COLEC11: variants seen among roughly 807,000 people sequenced by gnomAD.
COLEC11 encodes the protein collectin subfamily member 11.
Under a neutral mutation model 27.3 loss-of-function variants are expected in COLEC11, and 20 were observed. The ratio of observed to expected loss-of-function variants is 0.73; its 90% CI spans 0.51 to 1.06. The LOEUF (loss-of-function observed/expected upper bound fraction) is 1.06, where lower values mean the gene tolerates loss of function less well. Among genes scored for constraint, COLEC11 ranks in the 50% least tolerant of loss-of-function variants. COLEC11 has a pLI of 0.00. For missense variants in COLEC11, 310 were observed against 383.0 expected (o/e 0.81, Z 1.59); for synonymous variants, 163 against 154.7 (o/e 1.05, Z -0.40).
rs115959424 is a variant in COLEC11, at chr2:3,636,170, C to T, written c.203-1363C>T. Among the ~76,000 whole-genome samples, 1,016 of 152,278 alleles carry T rather than the reference C, an allele frequency of 6.7e-3. 9 individuals carry two copies. The highest frequency in any genetic ancestry group is 0.023 in the African/African-American group (966 of 41,550). The stretch of plus-strand genomic sequence containing the variant: ...GCGTGCGATAGAAAGTCCTTCCCGC[C>T]ACCACCGCCGGGCGCAGTGGCTCAC... On this transcript the variant is annotated intron_variant, in intron 3 of 6. Coordinates refer to ENST00000349077, the MANE Select transcript of COLEC11 (RefSeq NM_024027.5).
chr2:3,643,406 C>T (rs1163174402), intron 5 of COLEC11, 38 bp from the exon 6 acceptor site: 3 of 1,530,786 alleles, frequency 2.0e-6, no homozygotes, highest in African/African-American at 1.4e-5. Context: ...TCCGAGTCCT[C>T]ATCCAGCGTT....
chr2:3,607,866 C>T (rs1222634522), intron 2 of COLEC11, among the ~76,000 whole-genome samples: 1 of 152,254 alleles, frequency 6.6e-6, no homozygotes, highest in East Asian at 1.9e-4. Context: ...ACCTGACGGC[C>T]TGTCTGTGCC....
At chr2:3,628,250 A>G (rs1664701568) in intron 3 of COLEC11, among the ~76,000 whole-genome samples, 1 of 152,184 alleles carries the variant, frequency 6.6e-6, no homozygotes, top group Non-Finnish European at 1.5e-5. Flanking sequence ...CCCCAGGTGA[A>G]GCGGCTGCCC....
Position 3,643,947 on chromosome 2 carries a change from G to C in COLEC11, c.645G>C (p.Val215=). The C allele has an allele frequency of 6.2e-7, 1 of 1,614,176 alleles. No homozygotes were observed. Among genetic ancestry groups the C allele is most frequent in the South Asian group, 1.1e-5 (1 of 91,090 alleles). ...INDLEKEGAF[V]YSDHSPMRTF... Reference sequence around the variant, plus strand: ...ACCTGGAGAAGGAGGGCGCCTTCGTGTACTCTGACCACTCCCCCATGCGGA... The same window carrying C: ...ACCTGGAGAAGGAGGGCGCCTTCGTCTACTCTGACCACTCCCCCATGCGGA... Residue 215 remains valine (V), a synonymous_variant, in exon 7 of 7, where the codon GTG becomes GTC. Coordinates refer to ENST00000349077, the MANE Select transcript of COLEC11 (RefSeq NM_024027.5).
intron 3 of COLEC11, among the ~76,000 whole-genome samples, chr2:3,621,163 T>A (rs1450396650): frequency 6.6e-6 from 1 of 152,230 alleles, no homozygotes; most frequent in African/African-American, 2.4e-5. Flanking sequence ...CTGTTTGCCC[T>A]TCAGATCTGT....
Position 3,602,389 on chromosome 2 carries a change from G to GCTGGCTGCACTGTTCAC in COLEC11, c.-26-1917_-26-1901dup, listed in dbSNP as rs1227156929. 9.8e-5 allele frequency among the ~76,000 whole-genome samples: 15 copies of GCTGGCTGCACTGTTCAC among 152,294 alleles called. No individual in the cohort carries two copies. The highest frequency in any genetic ancestry group is 3.4e-4 in the African/African-American group (14 of 41,562). ...ACCTCCTCAGTTCTGTTTCTCAGCA[G>GCTGGCTGCACTGTTCAC]CTGGCTGCACTGTTCACCTGGCTGC... On this transcript the variant is annotated intron_variant, in intron 1 of 6. Transcript: ENST00000349077. The surrounding 1 kb of genome is among the most constrained non-coding windows in gnomAD (Gnocchi z 6.2).
In COLEC11 at chr2:3,602,807, G is replaced by A. The variant is rs576032142; in HGVS notation, c.-26-1508G>A. 8.5e-5 allele frequency among the ~76,000 whole-genome samples: 13 copies of A among 152,228 alleles called. No homozygotes were observed. Among genetic ancestry groups the A allele is most frequent in the East Asian group, 5.8e-4 (3 of 5,180 alleles). On this transcript the variant is annotated intron_variant, in intron 1 of 6. Transcript: ENST00000349077. The surrounding 1 kb of genome is among the most constrained non-coding windows in gnomAD (Gnocchi z 6.2). ...ACTGCCTCAAGGCTTTCTCTGAGCC[G>A]CCCTCACCCACCTGTCAGCGAGGCT...
At chr2:3,605,323 G>C (rs1397527801) in intron 2 of COLEC11, among the ~76,000 whole-genome samples, 2 of 119,068 alleles carry the variant, frequency 1.7e-5, no homozygotes, top group African/African-American at 6.3e-5. Flanking sequence ...GGAGTCACGT[G>C]GGTGCCGAGG....
At chr2:3,643,602 G>T (rs774066821) in intron 6 of COLEC11, 63 bp downstream of exon 6, 1 of 1,596,926 alleles carries the variant, frequency 6.3e-7, no homozygotes, top group African/African-American at 1.3e-5. Flanking sequence ...TGAGCCCCCC[G>T]GCAAGGGCTC....
At chr2:3,624,356 T>TG (rs1486410389) in intron 3 of COLEC11, among the ~76,000 whole-genome samples, 1 of 152,152 alleles carries the variant, frequency 6.6e-6, no homozygotes, top group South Asian at 2.1e-4. Flanking sequence ...ATCAGCTTGT[T>TG]GGGGGGCTTC....
At chr2:3,638,184 C>T (rs1419654680) in intron 4 of COLEC11, among the ~76,000 whole-genome samples, 2 of 152,210 alleles carry the variant, frequency 1.3e-5, no homozygotes, top group Admixed American at 1.3e-4. Flanking sequence ...TCAGCTGCGC[C>T]TCCCGTGATG....
rs113269917 is a variant in COLEC11 at position 3,604,363 on chromosome 2, T to A, written c.23T>A (p.Val8Glu). 6.2e-7 allele frequency: 1 copy of A among 1,614,138 alleles called. No homozygotes were observed. Reference protein sequence around the residue: MRGNLALVGVLISLAFLS... With the variant: MRGNLALEGVLISLAFLS... ...AGGATGAGGGGGAATCTGGCCCTGGTGGGCGTTCTAATCAGCCTGGCCTTC... is the reference window on the plus strand; with the variant it reads ...AGGATGAGGGGGAATCTGGCCCTGGAGGGCGTTCTAATCAGCCTGGCCTTC... The change falls in exon 2 of 7, where the codon GTG becomes GAG. Residue 8 changes from valine (V) to glutamate (E), a missense_variant. Val to Glu is a moderately radical substitution (Grantham distance 121). Coordinates refer to ENST00000349077, the MANE Select transcript of COLEC11 (RefSeq NM_024027.5).
chr2:3,609,246 C>T (rs559246813), intron 2 of COLEC11, among the ~76,000 whole-genome samples: 112 of 151,536 alleles, frequency 7.4e-4, no homozygotes, highest in African/African-American at 2.4e-3. Context: ...ATGATTCTTT[C>T]TCTCCTGCTT....
At chr2:3,604,544 C>A in intron 2 of COLEC11, 74 bp downstream of exon 2, 2 of 1,521,294 alleles carry the variant, frequency 1.3e-6, no homozygotes, top group Non-Finnish European at 1.8e-6. Context: ...TGCAACTGCG[C>A]AGTTCCACGG....
At chr2:3,609,353 T>TTTTTTTTTTTTTTTG (rs1663006038) in intron 2 of COLEC11, among the ~76,000 whole-genome samples, 1 of 78,760 alleles carries the variant, frequency 1.3e-5, no homozygotes, top group Non-Finnish European at 2.3e-5. Context: ...TTTTCTTTGA[T>TTTTTTTTTTTTTTTG]TTTTTTTTTT....
In COLEC11 at chr2:3,644,019, G is replaced by A. The variant is rs143185171; in HGVS notation, c.717G>A (p.Glu239=). The A allele has an allele frequency of 2.4e-5, 38 of 1,613,876 alleles. No individual in the cohort carries two copies. The highest frequency in any genetic ancestry group is 3.1e-5 in the Non-Finnish European group (36 of 1,180,036). ...GTGAGCCCAACAATGCCTACGACGA[G>A]GAGGACTGCGTGGAGATGGTGGCCT... ...RSGEPNNAYD[E]EDCVEMVASG... Residue 239 remains glutamate, a synonymous_variant, in exon 7 of 7, where the codon GAG becomes GAA. Transcript: ENST00000349077.
intron 3 of COLEC11, among the ~76,000 whole-genome samples, chr2:3,636,653 T>C (rs1665437063): frequency 6.6e-6 from 1 of 152,216 alleles, no homozygotes; most frequent in Non-Finnish European, 1.5e-5. Context: ...TTTCCCTATG[T>C]ACTTGTTTGA....
intron 4 of COLEC11, among the ~76,000 whole-genome samples, chr2:3,639,887 G>A (rs1229799257): frequency 3.9e-5 from 6 of 152,214 alleles, no homozygotes; most frequent in Non-Finnish European, 5.9e-5. Context: ...AGGCCTGCGT[G>A]GCGCTCCCAT....
intron 3 of COLEC11, among the ~76,000 whole-genome samples, chr2:3,626,412 A>C (rs1664556233): frequency 7.0e-6 from 1 of 141,946 alleles, no homozygotes; most frequent in Non-Finnish European, 1.5e-5. Flanking sequence ...CTTTTTCTGT[A>C]CCTGTAAAAT....
Sources: gnomAD v4.1 joint callset for allele counts (sites outside exome capture counted in the v4.1 genomes callset) on GRCh38, gnomAD v4.1.1 for gene constraint, Gnocchi (gnomAD v3.1) non-coding constraint, MANE v1.5 for transcripts, NCBI Gene and HGNC (gene_info 2026-07-23, HGNC 2026-07-21) for gene names.